Variants in UBAC2 observed in about 807,000 individuals in gnomAD.
UBAC2 encodes UBA domain containing 2.
UBAC2 carries 26 observed loss-of-function variants against 44.0 expected under a neutral mutation model. The ratio of observed to expected loss-of-function variants is 0.59; its 90% CI spans 0.43 to 0.82. The LOEUF (loss-of-function observed/expected upper bound fraction) is 0.82, where lower values mean the gene tolerates loss of function less well. UBAC2 is among the 40% of genes least tolerant of loss of function. The pLI is 0.00. For missense variants in UBAC2, 329 were observed against 419.4 expected, an observed-to-expected ratio of 0.78 and a Z score of 1.88; for synonymous variants, 155 against 154.3, an observed-to-expected ratio of 1.00 and a Z score of -0.04.
At chr13:99,214,272 G>A (rs565597579) in intron 1 of UBAC2, among the ~76,000 whole-genome samples, 27 of 139,854 alleles carry the variant, frequency 1.9e-4, no homozygotes, top group South Asian at 1.5e-3. Context: ...AATTTTTTTC[G>A]TGTAAGGACA....
intron 6 of UBAC2, among the ~76,000 whole-genome samples, chr13:99,320,733 T>C (rs78522968): frequency 0.011 from 1,733 of 152,324 alleles, 40 homozygotes; most frequent in African/African-American, 0.04. Context: ...ATATTTACTG[T>C]GATGTGGCAT....
chr13:99,201,451 A>G (rs1447334953), intron 1 of UBAC2: 12 of 1,613,970 alleles, frequency 7.4e-6, no homozygotes, highest in Non-Finnish European at 1.0e-5. Flanking sequence ...GTTTTTAGAC[A>G]AACACACACT....
intron 1 of UBAC2, among the ~76,000 whole-genome samples, chr13:99,219,138 T>C (rs1343571451): frequency 6.6e-6 from 1 of 152,168 alleles, no homozygotes; most frequent in Admixed American, 6.5e-5. Flanking sequence ...CGGCTCCTCC[T>C]CTCAAGGGTG....
intron 6 of UBAC2, among the ~76,000 whole-genome samples, chr13:99,321,934 T>C (rs2044573820): frequency 6.6e-6 from 1 of 152,216 alleles, no homozygotes; most frequent in African/African-American, 2.4e-5. Context: ...GGGGATTCTC[T>C]TGTACTTAAA....
intron 3 of UBAC2, 37 bp from the exon 4 acceptor site, chr13:99,244,478 C>G: frequency 1.1e-4 from 151 of 1,384,648 alleles, no homozygotes; most frequent in Middle Eastern, 1.8e-4. Flanking sequence ...TTTTAGGAGA[C>G]TCATCTCTAT....
At chr13:99,234,100 G>A (rs899756791) in intron 1 of UBAC2, among the ~76,000 whole-genome samples, 1 of 150,476 alleles carries the variant, frequency 6.6e-6, no homozygotes, top group African/African-American at 2.5e-5. Context: ...TATTTCAGCG[G>A]TTTTCCTAGA....
rs183170282 is a variant in UBAC2 at position 99,224,436 on chromosome 13, C to T, written c.32-13991C>T. Among the ~76,000 whole-genome samples the T allele has an allele frequency of 1.1e-3, 170 of 152,272 alleles. 1 individual carries two copies. The highest frequency in any genetic ancestry group is 2.1e-3 in the Non-Finnish European group (144 of 68,010). On this transcript the variant is annotated intron_variant, in intron 1 of 8. Coordinates refer to ENST00000403766, the MANE Select transcript of UBAC2 (RefSeq NM_001144072.2). ...GTGATTTTCTGTTTGCTTGTATTAT[C>T]GATTACTGTGAGAAGAGTGCTGAAT...
At chr13:99,202,718 C>T (rs1004325919) in intron 1 of UBAC2, among the ~76,000 whole-genome samples, 2 of 152,162 alleles carry the variant, frequency 1.3e-5, no homozygotes, top group East Asian at 3.8e-4. Flanking sequence ...CCCTCTGCAG[C>T]TGTCTTGGCC....
chr13:99,297,727 C>T (rs1034931052), intron 4 of UBAC2, among the ~76,000 whole-genome samples: 1 of 151,304 alleles, frequency 6.6e-6, no homozygotes, highest in African/African-American at 2.4e-5. Context: ...AAGTAGAAAA[C>T]ACAAGAGGGT....
chr13:99,380,059 T>A (rs2045530596), intron 8 of UBAC2, among the ~76,000 whole-genome samples: 1 of 151,774 alleles, frequency 6.6e-6, no homozygotes, highest in East Asian at 1.9e-4. Context: ...GGTGAGAGGG[T>A]CTCTTTTCCC....
At chr13:99,221,527 T>C (rs908929940) in intron 1 of UBAC2, among the ~76,000 whole-genome samples, 1 of 152,238 alleles carries the variant, frequency 6.6e-6, no homozygotes, top group Non-Finnish European at 1.5e-5. Context: ...ACTGTTTCAG[T>C]GTACTCAGCC....
chr13:99,216,082 T>TGTG (rs1566450747), intron 1 of UBAC2, among the ~76,000 whole-genome samples: 2,397 of 148,846 alleles, frequency 0.016, 49 homozygotes, highest in East Asian at 0.096. Context: ...CAACCTATAT[T>TGTG]TGTGTGTGTG....
rs2043263113 is a variant in UBAC2, at chr13:99,238,335, T to C, written c.32-92T>C. The C allele has an allele frequency of 2.0e-6, 3 of 1,487,122 alleles. No individual in the cohort carries two copies. The Admixed American group carries it at 6.0e-5, about 30-fold the overall frequency. The allele number at this position is 1,487,122 out of a possible 1,614,324, so 92.1% of individuals were successfully genotyped here. ...TTCTGGACTTTGTCTTCATTCTGAT[T>C]TAAAAGAAGTGAATTCTCTTGCTTT... On this transcript the variant is annotated intron_variant, in intron 1 of 8. Coordinates refer to ENST00000403766, the MANE Select transcript of UBAC2 (RefSeq NM_001144072.2).
At chr13:99,251,347 T>G (rs986924519) in intron 4 of UBAC2, among the ~76,000 whole-genome samples, 1 of 152,208 alleles carries the variant, frequency 6.6e-6, no homozygotes, top group Non-Finnish European at 1.5e-5. Flanking sequence ...GCTTTCCTAT[T>G]TGAATACCTT....
chr13:99,227,768 G>A (rs138068048), intron 1 of UBAC2, among the ~76,000 whole-genome samples: 40 of 152,258 alleles, frequency 2.6e-4, no homozygotes, highest in African/African-American at 8.9e-4. Context: ...AATAATGCAT[G>A]GTACAGCGTG....
At chr13:99,241,556 T>A (rs2142732116) in intron 2 of UBAC2, among the ~76,000 whole-genome samples, 1 of 152,156 alleles carries the variant, frequency 6.6e-6, no homozygotes, top group South Asian at 2.1e-4. Context: ...CATAGAGACA[T>A]TAAGTAGAAT....
intron 6 of UBAC2, among the ~76,000 whole-genome samples, chr13:99,318,410 G>T (rs1385209609): frequency 6.6e-6 from 1 of 151,322 alleles, no homozygotes; most frequent in African/African-American, 2.4e-5. Context: ...CAGGTGTTCT[G>T]CCCGCCTCAG....
intron 4 of UBAC2, among the ~76,000 whole-genome samples, chr13:99,309,724 C>T (rs2044387399): frequency 6.6e-6 from 1 of 152,112 alleles, no homozygotes. Flanking sequence ...CCTCAGCTTC[C>T]TAAGTAGCTG....
chr13:99,311,583 A>G (rs1377224984), intron 4 of UBAC2, among the ~76,000 whole-genome samples: 2 of 152,228 alleles, frequency 1.3e-5, no homozygotes, highest in Non-Finnish European at 2.9e-5. Context: ...AAAAAATCCA[A>G]CCAATATTGA....
Sources: gnomAD v4.1 joint callset for allele counts (sites outside exome capture counted in the v4.1 genomes callset) on GRCh38, gnomAD v4.1.1 for gene constraint, MANE v1.5 for transcripts, NCBI Gene and HGNC (gene_info 2026-07-23, HGNC 2026-07-21) for gene names.